The following SRFBP1 variants were observed in gnomAD, a reference collection of about 807,000 sequenced individuals.
SRFBP1 encodes the protein serum response factor-binding protein 1.
SRFBP1 carries 47 observed loss-of-function variants against 45.5 expected under a neutral mutation model. The observed-to-expected ratio is 1.03, with a 90% CI of 0.82 to 1.32. The LOEUF (loss-of-function observed/expected upper bound fraction) is 1.32. Among genes scored for constraint, SRFBP1 ranks in the 40% most tolerant of loss-of-function variants. The pLI is 0.00. For synonymous variants in SRFBP1, 203 were observed against 166.3 expected, an observed-to-expected ratio of 1.22 and a Z score of -1.70; for missense variants, 621 against 484.6, an observed-to-expected ratio of 1.28 and a Z score of -2.64.
chr5:122,014,225 T>C (rs76983994), intron 4 of SRFBP1, among the ~76,000 whole-genome samples: 6,790 of 152,270 alleles, frequency 0.045, 178 homozygotes, highest in African/African-American at 0.061. Flanking sequence ...TATAACATTT[T>C]ATCAGCTGAT....
intron 4 of SRFBP1, among the ~76,000 whole-genome samples, chr5:122,005,358 A>G (rs2913408): frequency 6.6e-6 from 1 of 152,090 alleles, no homozygotes; most frequent in South Asian, 2.1e-4. Context: ...TACAAGTGTT[A>G]TATCCGTCTG....
At chr5:122,011,341 G>A (rs1182025033) in intron 4 of SRFBP1, among the ~76,000 whole-genome samples, 4 of 152,060 alleles carry the variant, frequency 2.6e-5, no homozygotes, top group Admixed American at 2.0e-4. Flanking sequence ...GGAAGAAACT[G>A]GAGGTACATG....
chr5:122,001,546 C>CTTTTTT (rs1166482651), intron 4 of SRFBP1, among the ~76,000 whole-genome samples: 3 of 104,888 alleles, frequency 2.9e-5, no homozygotes, highest in Admixed American at 9.7e-5. Flanking sequence ...CCTTTGGTAT[C>CTTTTTT]TTTTTTTTTT....
chr5:122,043,168 T>C (rs955791767), intron 2 of SRFBP1, among the ~76,000 whole-genome samples: 25 of 152,268 alleles, frequency 1.6e-4, no homozygotes, highest in African/African-American at 5.8e-4. Context: ...ATGAGACTTA[T>C]TTCCTTCTGT....
chr5:122,048,751 A>G (rs997560577), intron 2 of SRFBP1, among the ~76,000 whole-genome samples: 6 of 152,082 alleles, frequency 3.9e-5, no homozygotes, highest in African/African-American at 9.7e-5. Flanking sequence ...CAGAGATTCA[A>G]CTTCTTCCTT....
chr5:122,009,070 C>A (rs1193444203), intron 4 of SRFBP1, among the ~76,000 whole-genome samples: 1 of 152,150 alleles, frequency 6.6e-6, no homozygotes, highest in Admixed American at 6.5e-5. Flanking sequence ...TATGAGAGTT[C>A]TAGTTAAAGT....
At position 122,020,644 on chromosome 5, in the gene SRFBP1, A is replaced by C. The variant is rs1015584751; in HGVS notation, c.909A>C (p.Ser303=). The part of the protein sequence containing the change: ...TRKKESSCHS[S]VKEQKPLEKV... ...AGAAGGAAAGTAGTTGTCATTCTTC[A>C]GTTAAGGAACAAAAACCACTAGAAA... The change falls in exon 6 of 8, where the codon TCA becomes TCC. Residue 303 remains serine, a synonymous_variant. Transcript: ENST00000339397. The C allele has an allele frequency of 1.2e-6, 2 of 1,614,078 alleles. No individual in the cohort carries two copies. The highest frequency in any genetic ancestry group is 1.7e-6 in the Non-Finnish European group (2 of 1,179,978).
chr5:122,075,523 A>T, exon 3 of SRFBP1: 1 of 1,610,692 alleles, frequency 6.2e-7, no homozygotes, highest in Non-Finnish European at 8.5e-7. Flanking sequence ...AATCTCTGAC[A>T]TCTGCCCTGT....
At chr5:121,972,666 G>T (rs1399836761) in intron 1 of SRFBP1, among the ~76,000 whole-genome samples, 1 of 151,892 alleles carries the variant, frequency 6.6e-6, no homozygotes, top group Non-Finnish European at 1.5e-5. Context: ...GGAACATTAA[G>T]TGTAGGAGTC....
At chr5:121,983,619 C>T (rs1299711483) in intron 3 of SRFBP1, among the ~76,000 whole-genome samples, 1 of 151,650 alleles carries the variant, frequency 6.6e-6, no homozygotes, top group Non-Finnish European at 1.5e-5. Flanking sequence ...TTGAATTATA[C>T]AAGTTTTTTA....
At chr5:122,003,965 C>T (rs577231363) in intron 4 of SRFBP1, among the ~76,000 whole-genome samples, 4 of 152,174 alleles carry the variant, frequency 2.6e-5, no homozygotes, top group East Asian at 3.9e-4. Flanking sequence ...GACAGGATCT[C>T]GCTCTGTCAC....
chr5:121,975,236 AATG>A, intron 2 of SRFBP1, 76 bp from the exon 3 acceptor site: 2 of 1,413,056 alleles, frequency 1.4e-6, no homozygotes, highest in South Asian at 1.2e-5. Flanking sequence ...TCTAAAAAGA[AATG>A]AAGTGATTAT....
At chr5:121,962,621 C>G (rs963677663) in intron 1 of SRFBP1, among the ~76,000 whole-genome samples, 3 of 152,140 alleles carry the variant, frequency 2.0e-5, no homozygotes, top group Admixed American at 6.6e-5. Context: ...TTTATACTTG[C>G]TATCCTCAAT....
intron 1 of SRFBP1, among the ~76,000 whole-genome samples, chr5:121,968,853 G>T (rs769474018): frequency 2.0e-5 from 3 of 152,164 alleles, no homozygotes; most frequent in Non-Finnish European, 4.4e-5. Context: ...ATAAGCAGAA[G>T]TATTAGTATT....
intron 1 of SRFBP1, among the ~76,000 whole-genome samples, chr5:121,965,673 G>C (rs1228436611): frequency 1.3e-5 from 2 of 152,112 alleles, no homozygotes; most frequent in Admixed American, 6.5e-5. Context: ...GGCTATGCAG[G>C]CTCTTTTTTG....
chr5:122,020,439 A>C lies in SRFBP1; in HGVS notation c.704A>C (p.Lys235Thr). Residue 235 changes from lysine (K) to threonine (T), a missense_variant, in exon 6 of 8, where the codon AAA becomes ACA. Physicochemically the swap from Lys to Thr is moderately conservative, Grantham distance 78. Coordinates refer to ENST00000339397, the MANE Select transcript of SRFBP1 (RefSeq NM_152546.3). The stretch of plus-strand genomic sequence containing the variant: ...CTGAAAACTCTAAGTCAAACCAAAA[A>C]AAACAAAGGATCTGATAGCTCACTC... ...PKLKTLSQTK[K>T]NKGSDSSLSG... 6.2e-7 allele frequency: 1 copy of C among 1,614,132 alleles called. No homozygotes were observed. The highest frequency in any genetic ancestry group is 1.3e-5 in the African/African-American group (1 of 75,046).
intron 4 of SRFBP1, among the ~76,000 whole-genome samples, chr5:122,005,310 A>G (rs1752952713): frequency 6.6e-6 from 1 of 152,034 alleles, no homozygotes; most frequent in Non-Finnish European, 1.5e-5. Context: ...CATTTGCTTT[A>G]TGTATTTGGG....
chr5:122,031,902 A>T (rs553010485), downstream of SRFBP1, among the ~76,000 whole-genome samples: 1 of 152,336 alleles, frequency 6.6e-6, no homozygotes, highest in African/African-American at 2.4e-5. Context: ...GGTTCCACTT[A>T]CATGCAATGT....
At chr5:122,013,266 A>G (rs1753131610) in intron 4 of SRFBP1, among the ~76,000 whole-genome samples, 1 of 152,156 alleles carries the variant, frequency 6.6e-6, no homozygotes, top group South Asian at 2.1e-4. Context: ...CAATATAACA[A>G]GTAGTTCATT....
Sources: allele counts gnomAD v4.1 joint callset (sites outside exome capture counted in the v4.1 genomes callset), GRCh38; gene constraint gnomAD v4.1.1; transcripts MANE v1.5; gene names NCBI Gene and HGNC (gene_info 2026-07-23, HGNC 2026-07-21).